Variants in FCHO2 observed in about 807,000 individuals in gnomAD.
FCHO2 encodes the protein F-BAR domain only protein 2.
Under a neutral mutation model 114.1 loss-of-function variants are expected in FCHO2, and 43 were observed. The observed-to-expected ratio is 0.38, with a 90% CI of 0.30 to 0.49. FCHO2 has a LOEUF of 0.49. Among genes scored for constraint, FCHO2 ranks in the 20% least tolerant of loss-of-function variants. The probability of loss-of-function intolerance (pLI) is 0.97; values close to 1 mark genes in which losing one functional copy is unlikely to be tolerated. For synonymous variants in FCHO2, 293 were observed against 315.2 expected (o/e 0.93, Z 0.75); for missense variants, 807 against 950.4 (o/e 0.85, Z 1.98).
intron 15 of FCHO2, 88 bp from the exon 16 acceptor site, chr5:73,055,977 T>G: frequency 1.2e-6 from 1 of 850,536 alleles, no homozygotes; most frequent in Non-Finnish European, 1.8e-6. Context: ...TGTTATAGTG[T>G]TGAGATATGT....
intron 10 of FCHO2, among the ~76,000 whole-genome samples, chr5:73,038,855 A>C (rs966037851): frequency 1.3e-5 from 2 of 152,214 alleles, no homozygotes; most frequent in African/African-American, 4.8e-5. Context: ...AATCTGATCA[A>C]TTGATTAGTA....
chr5:73,004,356 G>A (rs1754603062), intron 5 of FCHO2, among the ~76,000 whole-genome samples: 1 of 152,152 alleles, frequency 6.6e-6, no homozygotes, highest in Non-Finnish European at 1.5e-5. Flanking sequence ...AATGTCAGCT[G>A]TGTGGAACTG....
At chr5:73,044,731 A>T (rs1027738172) in intron 11 of FCHO2, among the ~76,000 whole-genome samples, 7 of 151,712 alleles carry the variant, frequency 4.6e-5, no homozygotes, top group Non-Finnish European at 1.0e-4. Context: ...CCACATTCCA[A>T]ACAGAAATTA....
At position 73,078,316 on chromosome 5, in the gene FCHO2, AGT is replaced by A; in HGVS notation, c.1980+7_1980+8del. On this transcript the variant is annotated splice_donor_5th_base_variant and intron_variant, in intron 22 of 25. Transcript: ENST00000430046. ...TGTAGATGTATTAAAGTATCAGGTG[AGT>A]GTCACGACATTGCAAAAATTCTAAA... 1 of 1,591,936 alleles carries A rather than the reference AGT, an allele frequency of 6.3e-7. No homozygotes were observed. The highest frequency in any genetic ancestry group is 8.5e-7 in the Non-Finnish European group (1 of 1,172,034).
rs577046450 is a variant in FCHO2 at position 73,087,634 on chromosome 5, G to C, written c.2291G>C (p.Ser764Thr). The C allele has an allele frequency of 1.8e-5, 29 of 1,613,808 alleles. No individual in the cohort carries two copies. The East Asian group carries it at 5.3e-4, about 30-fold the overall frequency. ...RAKFDLSEGP[S>T]KPTTLAVQFL... ...AAATTTGATCTTTCAGAAGGACCTAGTAAACCCACGACACTTGCAGTACAA... is the reference window on the plus strand; with the variant it reads ...AAATTTGATCTTTCAGAAGGACCTACTAAACCCACGACACTTGCAGTACAA... The change falls in exon 25 of 26, where the codon AGT becomes ACT. Residue 764 changes from serine (S) to threonine (T), a missense_variant. Ser to Thr is a moderately conservative substitution (Grantham distance 58). Transcript: ENST00000430046.
At chr5:73,063,775 T>C in intron 17 of FCHO2, 66 bp from the exon 18 acceptor site, 5 of 1,396,386 alleles carry the variant, frequency 3.6e-6, no homozygotes, top group Non-Finnish European at 5.0e-6. Flanking sequence ...TATAATAGAA[T>C]GTCTTTATGT....
chr5:72,997,827 C>G (rs1754207658), intron 5 of FCHO2, among the ~76,000 whole-genome samples: 1 of 152,208 alleles, frequency 6.6e-6, no homozygotes, highest in African/African-American at 2.4e-5. Context: ...GCCTGGGACC[C>G]TGAAGCAGCC....
chr5:73,068,903 C>A, intron 19 of FCHO2, 124 bp downstream of exon 19: 2 of 1,098,708 alleles, frequency 1.8e-6, no homozygotes, highest in Non-Finnish European at 2.5e-6. Flanking sequence ...TTTCTGGAAA[C>A]ACACCTGGAA....
intron 8 of FCHO2, among the ~76,000 whole-genome samples, chr5:73,026,805 C>T (rs1007837289): frequency 6.6e-6 from 1 of 152,016 alleles, no homozygotes; most frequent in Non-Finnish European, 1.5e-5. Context: ...AATTCTCATG[C>T]CTCAGCCTCC....
intron 20 of FCHO2, 130 bp from the exon 21 acceptor site, chr5:73,077,208 G>A (rs138290512): frequency 1.7e-6 from 1 of 604,570 alleles, no homozygotes; most frequent in African/African-American, 1.9e-5. Context: ...TTATGATAAA[G>A]GATATAGATA....
intron 5 of FCHO2, among the ~76,000 whole-genome samples, chr5:73,000,456 A>G (rs1754373218): frequency 7.3e-6 from 1 of 137,898 alleles, no homozygotes; most frequent in African/African-American, 2.8e-5. Flanking sequence ...GGGCAACAAG[A>G]GTGAAACTCA....
intron 11 of FCHO2, 23 bp from the exon 12 acceptor site, chr5:73,051,326 A>AT (rs566145395): frequency 4.2e-4 from 618 of 1,454,674 alleles, no homozygotes; most frequent in Non-Finnish European, 4.6e-4. Context: ...TGTCATTATA[A>AT]TTTTTTTTTC....
intron 6 of FCHO2, among the ~76,000 whole-genome samples, chr5:73,008,833 A>G (rs1038689253): frequency 1.3e-5 from 2 of 152,218 alleles, no homozygotes; most frequent in African/African-American, 4.8e-5. Context: ...TGCTGGTAGT[A>G]TTATGAATGA....
intron 6 of FCHO2, among the ~76,000 whole-genome samples, chr5:73,014,455 A>AT (rs1486873211): frequency 6.6e-6 from 1 of 151,332 alleles, no homozygotes; most frequent in Non-Finnish European, 1.5e-5. Context: ...CGCCTGGCTA[A>AT]TTTTTTGTAT....
At chr5:72,983,460 C>T (rs527560067) in intron 2 of FCHO2, among the ~76,000 whole-genome samples, 44 of 151,644 alleles carry the variant, frequency 2.9e-4, no homozygotes, top group Non-Finnish European at 5.4e-4. Context: ...ACGTCTTGGG[C>T]TCAATCAATT....
rs186545492 is a variant in FCHO2 at position 73,073,780 on chromosome 5, G to A, written c.1580-962G>A. On this transcript the variant is annotated intron_variant, in intron 19 of 25. Transcript: ENST00000430046. The stretch of plus-strand genomic sequence containing the variant: ...GCATCTGAAATAAAAATGTCTGATG[G>A]CTGTTAATGTTGTGTAACATATAAG... Among the ~76,000 whole-genome samples the A allele has an allele frequency of 3.2e-4, 49 of 152,130 alleles. 1 individual carries two copies. The highest frequency in any genetic ancestry group is 3.4e-3 in the Middle Eastern group (1 of 294).
At chr5:73,018,737 C>G (rs1755450737) in intron 8 of FCHO2, among the ~76,000 whole-genome samples, 1 of 152,178 alleles carries the variant, frequency 6.6e-6, no homozygotes, top group African/African-American at 2.4e-5. Flanking sequence ...ATCACAAAGT[C>G]TGACTGATAC....
intron 19 of FCHO2, among the ~76,000 whole-genome samples, chr5:73,071,546 A>G (rs1487304161): frequency 6.6e-6 from 1 of 152,080 alleles, no homozygotes; most frequent in Non-Finnish European, 1.5e-5. Flanking sequence ...ACATTTTCAA[A>G]ACAAAATTAT....
rs947012113 is a variant in FCHO2 at position 73,003,171 on chromosome 5, ATTTATTTTAT to A, written c.496-3260_496-3251del. On this transcript the variant is annotated intron_variant, in intron 5 of 25. Transcript: ENST00000430046. ...AGGTGTGTGTCACTGTGCCTGGATA[ATTTATTTTAT>A]TTTATTTTATTTTTGGAGAATGGGG... Among the ~76,000 whole-genome samples the A allele has an allele frequency of 2.0e-4, 30 of 151,688 alleles. 1 individual carries two copies. Among genetic ancestry groups the A allele is most frequent in the Non-Finnish European group, 4.4e-5 (3 of 67,964 alleles).
Sources: allele counts gnomAD v4.1 joint callset (sites outside exome capture counted in the v4.1 genomes callset), GRCh38; gene constraint gnomAD v4.1.1; transcripts MANE v1.5; gene names NCBI Gene and HGNC (gene_info 2026-07-23, HGNC 2026-07-21).